The following ZNF782 variants were observed in gnomAD, a reference collection of about 807,000 sequenced individuals.
ZNF782 encodes zinc finger protein 782.
ZNF782 carries 12 observed loss-of-function variants against 13.0 expected under a neutral mutation model. The ratio of observed to expected loss-of-function variants is 0.92; its 90% CI spans 0.59 to 1.50. The LOEUF (loss-of-function observed/expected upper bound fraction) is 1.50, where lower values mean the gene tolerates loss of function less well. ZNF782 is among the 40% of genes most tolerant of loss of function. ZNF782 has a pLI of 0.00. For missense variants in ZNF782, 770 were observed against 822.9 expected, an observed-to-expected ratio of 0.94 and a Z score of 0.79; for synonymous variants, 284 against 283.0, an observed-to-expected ratio of 1.00 and a Z score of -0.04.
chr9:96,853,491 C>T (rs1239632489), intron 1 of ZNF782, among the ~76,000 whole-genome samples: 1 of 152,160 alleles, frequency 6.6e-6, no homozygotes, highest in Non-Finnish European at 1.5e-5. Flanking sequence ...GCGACCTGAC[C>T]TGAGAAACCA....
intron 4 of ZNF782, among the ~76,000 whole-genome samples, chr9:96,833,059 T>A (rs1231541056): frequency 6.6e-6 from 1 of 152,198 alleles, no homozygotes; most frequent in African/African-American, 2.4e-5. Context: ...GCAATTCTTC[T>A]CTCCGTCTTC....
chr9:96,847,617 A>C (rs181536840), intron 3 of ZNF782, among the ~76,000 whole-genome samples: 3 of 152,340 alleles, frequency 2.0e-5, no homozygotes, highest in Middle Eastern at 3.4e-3. Context: ...TAAATCAGGA[A>C]GAAACTGAAA....
chr9:96,868,437 C>T (rs983962574), intron 1 of ZNF782, among the ~76,000 whole-genome samples: 9 of 152,176 alleles, frequency 5.9e-5, no homozygotes, highest in Admixed American at 2.6e-4. Context: ...ATTTCAGAAA[C>T]GAGTTCTTGT....
rs773391936 is a variant in ZNF782, at chr9:96,851,968, T to C, written c.-7A>G. ...TTACCTGAAATGTGTTCATTTTCTG[T>C]GGCTCTTGGGAGAGTATAGAGAACT... is the stretch of plus-strand genomic sequence containing the variant. On this transcript the variant is annotated 5_prime_UTR_variant, in exon 3 of 6. Coordinates refer to ENST00000481138, the MANE Select transcript of ZNF782 (RefSeq NM_001001662.3). 1.2e-6 allele frequency: 2 copies of C among 1,614,060 alleles called. No individual in the cohort carries two copies. The highest frequency in any genetic ancestry group is 3.3e-5 in the Admixed American group (2 of 60,028).
the ZNF782 span, chr9:96,931,721 G>A: frequency 6.2e-7 from 1 of 1,611,466 alleles, no homozygotes; most frequent in Admixed American, 1.7e-5. Context: ...TGTCTCCACA[G>A]CATACCCAGT....
intron 5 of ZNF782, 77 bp from the exon 6 acceptor site, chr9:96,819,855 T>C (rs1850349432): frequency 8.7e-7 from 1 of 1,150,944 alleles, no homozygotes; most frequent in East Asian, 2.9e-5. Flanking sequence ...TGTATATATA[T>C]GCCCTATTAT....
chr9:96,916,734 C>T, the ZNF782 span, among the ~76,000 whole-genome samples: 1 of 151,010 alleles, frequency 6.6e-6, no homozygotes, highest in Admixed American at 6.6e-5. Context: ...CTCACCTAGA[C>T]CTGGTGAAGG....
chr9:96,876,958 AAAAAAAAAAAAAAAAG>A (rs1410669575), upstream of ZNF782, among the ~76,000 whole-genome samples: 4 of 144,666 alleles, frequency 2.8e-5, no homozygotes, highest in African/African-American at 1.1e-4. Flanking sequence ...AAAAAAAAAA[AAAAAAAAAAAAAAAAG>A]AAGAAGAAGA....
At position 96,819,293 on chromosome 9, in the gene ZNF782, T is replaced by C; in HGVS notation, c.730A>G (p.Asn244Asp). Residue 244 changes from asparagine to aspartate, a missense_variant, in exon 6 of 6, where the codon AAT (asparagine) becomes GAT (aspartate). Coordinates refer to ENST00000481138, the MANE Select transcript of ZNF782 (RefSeq NM_001001662.3). ...NSTHPKGKSYNFNKFGENKYD... is the reference protein window; with the variant it reads ...NSTHPKGKSYDFNKFGENKYD... ...TTGTTTTCCCCAAATTTATTGAAAT[T>C]GTAAGATTTTCCTTTTGGGTGGGTA... 6.2e-7 allele frequency: 1 copy of C among 1,612,846 alleles called. No individual in the cohort carries two copies. The highest frequency in any genetic ancestry group is 1.7e-4 in the Middle Eastern group (1 of 6,054).
At position 96,818,063 on chromosome 9, in the gene ZNF782, C is replaced by T; in HGVS notation, c.1960G>A (p.Ala654Thr). The change falls in exon 6 of 6, where the codon GCT (alanine) becomes ACT (threonine). Residue 654 changes from alanine to threonine, a missense_variant. By Grantham distance (58) the Ala-to-Thr change is moderately conservative. Coordinates refer to ENST00000481138, the MANE Select transcript of ZNF782 (RefSeq NM_001001662.3). ...KPYNCNQCGEAFSQKSNLRVH... is the reference protein window; with the variant it reads ...KPYNCNQCGETFSQKSNLRVH... Reference sequence around the variant, plus strand: ...CTGAGATTGGATTTCTGACTGAAAGCTTCCCCACACTGATTACAATTATAT... The same window carrying T: ...CTGAGATTGGATTTCTGACTGAAAGTTTCCCCACACTGATTACAATTATAT... 1 of 1,612,654 alleles carries T rather than the reference C, an allele frequency of 6.2e-7. No homozygotes were observed. Among genetic ancestry groups the T allele is most frequent in the Non-Finnish European group, 8.5e-7 (1 of 1,179,468 alleles).
At chr9:96,873,350 A>G (rs1388687724) in intron 1 of ZNF782, among the ~76,000 whole-genome samples, 1 of 152,230 alleles carries the variant, frequency 6.6e-6, no homozygotes, top group African/African-American at 2.4e-5. Context: ...ATGAGTGGTC[A>G]AAGGTTTAAA....
At chr9:96,874,758 C>T (rs545597226) in intron 1 of ZNF782, among the ~76,000 whole-genome samples, 59 of 152,306 alleles carry the variant, frequency 3.9e-4, no homozygotes, top group African/African-American at 1.2e-3. Context: ...CCCCCTGCTT[C>T]CTAATTCACA....
the ZNF782 span, among the ~76,000 whole-genome samples, chr9:96,914,084 T>C: frequency 2.6e-5 from 4 of 151,580 alleles, no homozygotes; most frequent in African/African-American, 7.3e-5. Flanking sequence ...TAAAATAAAA[T>C]ACATATTGCA....
the ZNF782 span, among the ~76,000 whole-genome samples, chr9:96,902,169 C>T: frequency 6.6e-6 from 1 of 152,122 alleles, no homozygotes; most frequent in Non-Finnish European, 1.5e-5. Flanking sequence ...CGCAGTGGCT[C>T]ACACCTGTAA....
At chr9:96,834,621 C>T (rs1277207702) in intron 4 of ZNF782, among the ~76,000 whole-genome samples, 3 of 152,208 alleles carry the variant, frequency 2.0e-5, no homozygotes, top group African/African-American at 7.2e-5. Flanking sequence ...GTTGAAGCAG[C>T]ATGACGTCCT....
chr9:96,863,358 A>G (rs577416270), intron 1 of ZNF782, among the ~76,000 whole-genome samples: 1 of 152,194 alleles, frequency 6.6e-6, no homozygotes, highest in Non-Finnish European at 1.5e-5. Flanking sequence ...AATAAAAAAA[A>G]AAAAATACAT....
chr9:96,896,392 C>T, the ZNF782 span, among the ~76,000 whole-genome samples: 7 of 152,136 alleles, frequency 4.6e-5, no homozygotes, highest in Non-Finnish European at 1.0e-4. Context: ...ACATTGATGA[C>T]ATAATGCTGA....
At chr9:96,844,148 A>G (rs1356352843) in intron 4 of ZNF782, among the ~76,000 whole-genome samples, 1 of 152,222 alleles carries the variant, frequency 6.6e-6, no homozygotes, top group Non-Finnish European at 1.5e-5. Flanking sequence ...ATGAAAATGA[A>G]AAACTGTGGA....
chr9:96,870,991 T>C (rs1303148816), intron 1 of ZNF782, among the ~76,000 whole-genome samples: 1 of 152,226 alleles, frequency 6.6e-6, no homozygotes, highest in Non-Finnish European at 1.5e-5. Flanking sequence ...TATTGGTTAT[T>C]GATTATCTAC....
Sources: gnomAD v4.1 joint callset for allele counts (sites outside exome capture counted in the v4.1 genomes callset) on GRCh38, gnomAD v4.1.1 for gene constraint, MANE v1.5 for transcripts, NCBI Gene and HGNC (gene_info 2026-07-23, HGNC 2026-07-21) for gene names.